Variants in FMR1NB observed in about 807,000 individuals in gnomAD.
FMR1NB encodes FMR1 neighbor.
FMR1NB carries 10 observed loss-of-function variants against 16.8 expected under a neutral mutation model. The observed-to-expected ratio is 0.60, with a 90% CI of 0.37 to 1.01. The LOEUF is 1.01. Among genes scored for constraint, FMR1NB ranks in the 50% least tolerant of loss-of-function variants. The pLI is 0.01. For synonymous variants in FMR1NB, 83 were observed against 79.1 expected (o/e 1.05, Z -0.26); for missense variants, 205 against 204.8 (o/e 1.00, Z 0.00).
At chrX:148,007,507 C>T (rs1020269624) in intron 3 of FMR1NB, among the ~76,000 whole-genome samples, 3 of 111,730 alleles carry the variant, frequency 2.7e-5, no homozygotes, top group East Asian at 5.6e-4. Context: ...CCAGGCTGGT[C>T]TCCAACTCTT....
intron 2 of FMR1NB, among the ~76,000 whole-genome samples, chrX:148,004,947 T>C (rs782793423): frequency 8.9e-6 from 1 of 112,797 alleles, no homozygotes; most frequent in South Asian, 3.6e-4. Flanking sequence ...TGGAGTGCAG[T>C]GGCACAATCT....
intron 1 of FMR1NB, among the ~76,000 whole-genome samples, chrX:147,993,587 C>A (rs962952190): frequency 9.0e-6 from 1 of 110,720 alleles, no homozygotes; most frequent in Non-Finnish European, 1.9e-5. Context: ...CTCACAGAGC[C>A]CTTTTCTCCT....
At chrX:148,013,049 G>T (rs1031347988) in intron 4 of FMR1NB, among the ~76,000 whole-genome samples, 3 of 111,635 alleles carry the variant, frequency 2.7e-5, no homozygotes, top group African/African-American at 6.5e-5. Context: ...AGATGAGAAT[G>T]TGAGCAAACT....
chrX:147,986,317 A>G (rs992749848), intron 1 of FMR1NB, among the ~76,000 whole-genome samples: 25 of 112,158 alleles, frequency 2.2e-4, no homozygotes, highest in Non-Finnish European at 4.1e-4. Context: ...GAAGCTCTTT[A>G]GTTTAATTAG....
At chrX:148,004,648 T>A (rs2044586983) in intron 2 of FMR1NB, among the ~76,000 whole-genome samples, 2 of 112,261 alleles carry the variant, frequency 1.8e-5, no homozygotes, top group African/African-American at 3.2e-5. Flanking sequence ...ATAAACACTC[T>A]TACCACTTAA....
intron 1 of FMR1NB, among the ~76,000 whole-genome samples, chrX:147,996,411 G>A (rs1314123122): frequency 4.5e-5 from 5 of 111,104 alleles, no homozygotes; most frequent in African/African-American, 1.6e-4. Flanking sequence ...GGCAGAGTCA[G>A]GATACAAACT....
At chrX:148,016,931 A>G (rs2044652696) in intron 4 of FMR1NB, among the ~76,000 whole-genome samples, 1 of 111,438 alleles carries the variant, frequency 9.0e-6, no homozygotes, top group Admixed American at 9.6e-5. Flanking sequence ...GGTTTTCTGC[A>G]TACTTATTAT....
chrX:148,021,536 T>C (rs2044678795), intron 4 of FMR1NB, among the ~76,000 whole-genome samples: 1 of 109,999 alleles, frequency 9.1e-6, no homozygotes. Context: ...TGATCAGTTA[T>C]GTTAAACTCT....
In FMR1NB at chrX:148,012,921, A is replaced by G. The variant is rs1370246383; in HGVS notation, c.632+4210A>G. 2.7e-5 allele frequency among the ~76,000 whole-genome samples: 3 copies of G among 112,270 alleles called. No homozygotes were observed. The Admixed American group carries it at 2.8e-4, about 11-fold the overall frequency. ...GAAAAGCTTTATGCAGTAATTAGCG[A>G]ACTACTGGAAAGTTTGAAGTTCCTA... is the stretch of plus-strand genomic sequence containing the variant. On this transcript the variant is annotated intron_variant, in intron 4 of 5. Transcript: ENST00000370467.
At chrX:147,999,433 C>T (rs2044559817) in intron 1 of FMR1NB, among the ~76,000 whole-genome samples, 1 of 111,971 alleles carries the variant, frequency 8.9e-6, no homozygotes, top group African/African-American at 3.2e-5. Flanking sequence ...ACAGAGGGTT[C>T]TCTGATCTGG....
chrX:147,997,719 GGCTAATATCCA>G (rs1424233606), intron 1 of FMR1NB, among the ~76,000 whole-genome samples: 3 of 111,262 alleles, frequency 2.7e-5, no homozygotes, highest in Non-Finnish European at 5.7e-5. Context: ...TCTGACAAAA[GGCTAATATCCA>G]GAATCTACAA....
chrX:147,999,008 A>G (rs1394457468), intron 1 of FMR1NB, among the ~76,000 whole-genome samples: 1 of 111,611 alleles, frequency 9.0e-6, no homozygotes, highest in Admixed American at 9.6e-5. Flanking sequence ...AAACCTGGAG[A>G]ACCTAGAAAG....
intron 1 of FMR1NB, among the ~76,000 whole-genome samples, chrX:147,989,332 C>G (rs1191079203): frequency 8.9e-6 from 1 of 112,160 alleles, no homozygotes; most frequent in Non-Finnish European, 1.9e-5. Flanking sequence ...CCAGTGGAGG[C>G]TGCAGAACAG....
intron 4 of FMR1NB, among the ~76,000 whole-genome samples, chrX:148,016,432 G>C (rs1421045728): frequency 1.8e-5 from 2 of 111,319 alleles, no homozygotes; most frequent in Admixed American, 9.6e-5. Flanking sequence ...TGATTGGAGA[G>C]TGTAGTCCTT....
intron 3 of FMR1NB, among the ~76,000 whole-genome samples, chrX:148,007,273 G>A (rs1212872903): frequency 9.0e-6 from 1 of 111,394 alleles, no homozygotes; most frequent in Non-Finnish European, 1.9e-5. Flanking sequence ...GTTAAGGTCT[G>A]CTTATTAGTT....
chrX:148,006,799 A>G lies in FMR1NB; in HGVS notation c.495A>G (p.Ser165=), dbSNP rs141949320. The G allele has an allele frequency of 8.3e-7, 1 of 1,209,487 alleles. No homozygotes were observed. Among genetic ancestry groups the G allele is most frequent in the Non-Finnish European group, 1.1e-6 (1 of 894,988 alleles). The part of the protein sequence containing the change: ...ECLRHKCCFS[S]SGTTSFKCFA... ...TGAGACACAAATGCTGTTTTTCATC[A>G]TCGGGGACCACGAGCTTCAAATGTT... The change falls in exon 3 of 6, where the codon TCA becomes TCG. Residue 165 remains serine (S), a synonymous_variant. Transcript: ENST00000370467.
In FMR1NB at chrX:148,024,978, G is replaced by A. The variant is rs781871583; in HGVS notation, c.746G>A (p.Arg249His). ...ATGTTACAGAAAGCAGCAAGAGGAC[G>A]TGAGGAACATGGTGACGAGTAGCAA... ...SEMLQKAARG[R>H]EEHGDE Residue 249 changes from arginine to histidine, a missense_variant, in exon 5 of 6, where the codon CGT becomes CAT. Transcript: ENST00000370467. 5.0e-6 allele frequency: 6 copies of A among 1,210,823 alleles called. No homozygotes were observed. The highest frequency in any genetic ancestry group is 1.7e-5 in the African/African-American group (1 of 57,803).
At chrX:147,985,043 T>C (rs2044469078) in intron 1 of FMR1NB, among the ~76,000 whole-genome samples, 1 of 112,043 alleles carries the variant, frequency 8.9e-6, no homozygotes, top group Admixed American at 9.5e-5. Context: ...TTGTGTATAA[T>C]CCTTATAATA....
intron 1 of FMR1NB, among the ~76,000 whole-genome samples, chrX:147,993,827 C>G (rs895250002): frequency 9.0e-6 from 1 of 110,801 alleles, no homozygotes; most frequent in Middle Eastern, 4.7e-3. Context: ...AAGGTACTTT[C>G]CACTTCTTCC....
Sources: gnomAD v4.1 joint callset for allele counts (sites outside exome capture counted in the v4.1 genomes callset) on GRCh38, gnomAD v4.1.1 for gene constraint, MANE v1.5 for transcripts, NCBI Gene and HGNC (gene_info 2026-07-23, HGNC 2026-07-21) for gene names.